KCNIP4: variants seen among roughly 807,000 people sequenced by gnomAD.
KCNIP4 encodes the protein potassium voltage-gated channel interacting protein 4.
KCNIP4 carries 12 observed loss-of-function variants against 34.0 expected under a neutral mutation model. That is an observed-to-expected ratio of 0.35 (90% CI 0.23 to 0.57). The LOEUF (loss-of-function observed/expected upper bound fraction) is 0.57, where lower values mean the gene tolerates loss of function less well. Among genes scored for constraint, KCNIP4 ranks in the 20% least tolerant of loss-of-function variants. The pLI is 0.83. For missense variants in KCNIP4, 238 were observed against 311.7 expected (o/e 0.76, Z 1.78); for synonymous variants, 124 against 102.2 (o/e 1.21, Z -1.29).
Position 21,126,629 on chromosome 4 carries a change from AAAAG to A in KCNIP4, c.62-243924_62-243921del, listed in dbSNP as rs769640461. Among the ~76,000 whole-genome samples the A allele has an allele frequency of 3.4e-4, 48 of 143,236 alleles. 1 individual carries two copies. The highest frequency in any genetic ancestry group is 6.5e-4 in the Non-Finnish European group (42 of 64,958). The allele number at this position is 143,236 out of a possible 152,430, so 94.0% of individuals were successfully genotyped here. ...AGAAGAGAAATAGCAAAAAAAAAAA[AAAAG>A]AAAAGAAAAAAGGTTTTTGTCTCTT... On this transcript the variant is annotated intron_variant, in intron 1 of 8. Transcript: ENST00000382152.
intron 1 of KCNIP4, among the ~76,000 whole-genome samples, chr4:20,988,229 C>G (rs1438475269): frequency 6.6e-6 from 1 of 152,002 alleles, no homozygotes; most frequent in Non-Finnish European, 1.5e-5. Context: ...CCCTCTGCAC[C>G]ATGTTGAATG....
rs140405159 is a variant in KCNIP4 at position 21,789,954 on chromosome 4, G to A, written c.61+158617C>T. Among the ~76,000 whole-genome samples, 487 of 152,230 alleles carry A rather than the reference G, an allele frequency of 3.2e-3. 5 individuals are homozygous for A. The highest frequency in any genetic ancestry group is 0.011 in the African/African-American group (454 of 41,528). On this transcript the variant is annotated intron_variant, in intron 1 of 8. Transcript: ENST00000382152. Reference sequence around the variant, plus strand: ...GAATAGGAACCCAGAACTGAAGTCCGGTTTCTTCCCATTTTCCATCTTCAT... The same window carrying A: ...GAATAGGAACCCAGAACTGAAGTCCAGTTTCTTCCCATTTTCCATCTTCAT...
At chr4:20,746,108 C>T (rs2149324427) in intron 5 of KCNIP4, among the ~76,000 whole-genome samples, 1 of 152,224 alleles carries the variant, frequency 6.6e-6, no homozygotes, top group East Asian at 1.9e-4. Context: ...TTCACAATAG[C>T]AAAGACTTGG....
rs181834378 is a variant in KCNIP4, at chr4:21,123,354, C to A, written c.62-240645G>T. 1.1e-4 allele frequency among the ~76,000 whole-genome samples: 16 copies of A among 152,268 alleles called. No homozygotes were observed. In the East Asian group the frequency reaches 2.9e-3, roughly 28 times the overall value. On this transcript the variant is annotated intron_variant, in intron 1 of 8. Coordinates refer to ENST00000382152, the MANE Select transcript of KCNIP4 (RefSeq NM_025221.6). Reference sequence around the variant, plus strand: ...TTCTGAGCAAAAAACAGAAACATCCCTGTCCTCACAGAGCTTGTGATTTCA... The same window carrying A: ...TTCTGAGCAAAAAACAGAAACATCCATGTCCTCACAGAGCTTGTGATTTCA...
At chr4:21,119,795 T>C (rs1051500310) in intron 1 of KCNIP4, among the ~76,000 whole-genome samples, 2 of 152,106 alleles carry the variant, frequency 1.3e-5, no homozygotes, top group African/African-American at 4.8e-5. Flanking sequence ...AGTTAGAAGT[T>C]AGAAACTGAG....
intron 5 of KCNIP4, among the ~76,000 whole-genome samples, chr4:20,748,408 C>T (rs992004069): frequency 2.0e-5 from 3 of 151,902 alleles, no homozygotes; most frequent in African/African-American, 4.8e-5. Context: ...ACTGAGCAGG[C>T]TTCCCTGCTA....
chr4:21,026,847 C>T (rs774142266), intron 1 of KCNIP4, among the ~76,000 whole-genome samples: 32 of 151,992 alleles, frequency 2.1e-4, no homozygotes, highest in Non-Finnish European at 4.1e-4. Context: ...GTGACAATGG[C>T]CAGTCATAGT....
intron 1 of KCNIP4, among the ~76,000 whole-genome samples, chr4:21,822,489 C>T (rs1722416198): frequency 6.6e-6 from 1 of 152,078 alleles, no homozygotes; most frequent in African/African-American, 2.4e-5. Flanking sequence ...AAATGTAACT[C>T]CCTATTTTTA....
At chr4:21,467,891 C>T (rs777718634) in intron 1 of KCNIP4, among the ~76,000 whole-genome samples, 1 of 152,092 alleles carries the variant, frequency 6.6e-6, no homozygotes, top group Non-Finnish European at 1.5e-5. Context: ...AATGCAGAGC[C>T]GCAAAAACTT....
Position 21,263,051 on chromosome 4 carries a change from C to T in KCNIP4, c.62-380342G>A, listed in dbSNP as rs189587790. Among the ~76,000 whole-genome samples, 13 of 152,294 alleles carry T rather than the reference C, an allele frequency of 8.5e-5. No individual in the cohort carries two copies. In the East Asian group the frequency reaches 2.5e-3, roughly 29 times the overall value. On this transcript the variant is annotated intron_variant, in intron 1 of 8. Transcript: ENST00000382152. ...GAATTCCTTCTTCCTGCTCTGGTTT[C>T]CATGATGTCCATCAAGTAGCTTCTG...
At chr4:21,233,490 G>A (rs1758949659) in intron 1 of KCNIP4, among the ~76,000 whole-genome samples, 1 of 152,016 alleles carries the variant, frequency 6.6e-6, no homozygotes, top group Non-Finnish European at 1.5e-5. Context: ...TGTTGCCAGG[G>A]AAAAGGTAGA....
chr4:21,493,359 AT>A (rs1200618006), intron 1 of KCNIP4, among the ~76,000 whole-genome samples: 3 of 152,068 alleles, frequency 2.0e-5, no homozygotes, highest in Non-Finnish European at 4.4e-5. Context: ...AAATACATAC[AT>A]CCAAGCTGCA....
intron 3 of KCNIP4, among the ~76,000 whole-genome samples, chr4:20,825,440 T>C (rs1178415263): frequency 6.6e-6 from 1 of 152,010 alleles, no homozygotes; most frequent in Non-Finnish European, 1.5e-5. Context: ...TGATGGCTGA[T>C]TGAATTTGAA....
chr4:20,972,543 AG>A (rs1287338556), intron 1 of KCNIP4, among the ~76,000 whole-genome samples: 1 of 152,172 alleles, frequency 6.6e-6, no homozygotes, highest in Non-Finnish European at 1.5e-5. Context: ...GTAGGTCTCA[AG>A]GGTGGGTTTA....
At chr4:21,407,653 GC>G (rs1472063793) in intron 1 of KCNIP4, among the ~76,000 whole-genome samples, 2 of 152,150 alleles carry the variant, frequency 1.3e-5, no homozygotes, top group Non-Finnish European at 2.9e-5. Flanking sequence ...TCAGTTTAGT[GC>G]CAGAACCTAA....
intron 1 of KCNIP4, among the ~76,000 whole-genome samples, chr4:21,422,404 T>G (rs1371708785): frequency 2.0e-5 from 3 of 152,130 alleles, no homozygotes; most frequent in South Asian, 2.1e-4. Context: ...TTTCACCATG[T>G]TGGCCAGGCT....
chr4:21,492,412 T>C (rs947580219), intron 1 of KCNIP4, among the ~76,000 whole-genome samples: 2 of 152,026 alleles, frequency 1.3e-5, no homozygotes, highest in Non-Finnish European at 2.9e-5. Context: ...TTTGGAGACA[T>C]AGGGCCTCTC....
intron 1 of KCNIP4, among the ~76,000 whole-genome samples, chr4:21,895,796 A>G (rs1218446497): frequency 6.6e-6 from 1 of 152,184 alleles, no homozygotes; most frequent in Non-Finnish European, 1.5e-5. Flanking sequence ...GGGAATGGGA[A>G]AAGAACCTTC....
At chr4:21,019,649 A>T (rs1420379486) in intron 1 of KCNIP4, among the ~76,000 whole-genome samples, 2 of 152,164 alleles carry the variant, frequency 1.3e-5, no homozygotes, top group Non-Finnish European at 2.9e-5. Context: ...ATAGGGGACA[A>T]TATCTACCAT....
Sources: allele counts gnomAD v4.1 joint callset (sites outside exome capture counted in the v4.1 genomes callset), GRCh38; gene constraint gnomAD v4.1.1; transcripts MANE v1.5; gene names NCBI Gene and HGNC (gene_info 2026-07-23, HGNC 2026-07-21).